Variants in STOX2 observed in about 807,000 individuals in gnomAD.
The protein encoded by STOX2 is storkhead-box protein 2.
A neutral mutation model predicts 60.9 loss-of-function variants in STOX2; 28 were observed. The observed-to-expected ratio is 0.46, with a 90% CI of 0.34 to 0.63. STOX2 has a LOEUF of 0.63. Among genes scored for constraint, STOX2 ranks in the 30% least tolerant of loss-of-function variants. The pLI is 0.01. For missense variants in STOX2, 1,024 were observed against 1,187.7 expected (o/e 0.86, Z 2.03); for synonymous variants, 472 against 463.9 (o/e 1.02, Z -0.22).
chr4:183,907,008 C>T (rs1206591025), intron 1 of STOX2, 52 bp downstream of exon 1: 206 of 1,426,508 alleles, frequency 1.4e-4, no homozygotes, highest in South Asian at 1.4e-5. Context: ...GGGACGTGCT[C>T]GGTACGCCGC....
intron 1 of STOX2, among the ~76,000 whole-genome samples, chr4:183,956,439 CATCTATCTATCTATCT>C (rs35378121): frequency 1.0e-3 from 150 of 145,996 alleles, no homozygotes; most frequent in Middle Eastern, 7.0e-3. Flanking sequence ...TTCTATCATT[CATCTATCTATCTATCT>C]ATCTATCTAT....
At chr4:184,008,945 C>G (rs2111243854) in intron 2 of STOX2, among the ~76,000 whole-genome samples, 1 of 152,258 alleles carries the variant, frequency 6.6e-6, no homozygotes, top group Non-Finnish European at 1.5e-5. Context: ...GTCTTCCCAG[C>G]TTTTATATCT....
chr4:183,983,591 G>C (rs115628713), intron 1 of STOX2, among the ~76,000 whole-genome samples: 1 of 152,150 alleles, frequency 6.6e-6, no homozygotes, highest in African/African-American at 2.4e-5. Flanking sequence ...GGGAAGCCGC[G>C]TCTGACCATA....
At chr4:183,852,682 C>G (rs1478368690) in intron 1 of STOX2, among the ~76,000 whole-genome samples, 2 of 152,140 alleles carry the variant, frequency 1.3e-5, no homozygotes, top group Non-Finnish European at 2.9e-5. Flanking sequence ...ATGGGAGGTT[C>G]TTTTTTTCTG....
At chr4:183,989,673 G>A (rs1160793488) in intron 1 of STOX2, among the ~76,000 whole-genome samples, 1 of 152,204 alleles carries the variant, frequency 6.6e-6, no homozygotes, top group Middle Eastern at 3.2e-3. Context: ...AAGGAAGTAA[G>A]CATATTTCAT....
At chr4:183,833,021 T>C (rs765827535) in intron 1 of STOX2, among the ~76,000 whole-genome samples, 1 of 152,224 alleles carries the variant, frequency 6.6e-6, no homozygotes, top group Non-Finnish European at 1.5e-5. Context: ...ATTAAGAATA[T>C]TTTGCTAATT....
intron 1 of STOX2, among the ~76,000 whole-genome samples, chr4:183,931,874 T>C (rs761017352): frequency 6.6e-6 from 1 of 152,096 alleles, no homozygotes; most frequent in Non-Finnish European, 1.5e-5. Flanking sequence ...TGAGAAACTG[T>C]AGAGAGTGTT....
intron 3 of STOX2, among the ~76,000 whole-genome samples, chr4:184,013,160 T>C (rs928850369): frequency 6.6e-6 from 1 of 152,226 alleles, no homozygotes; most frequent in African/African-American, 2.4e-5. Flanking sequence ...ACTAAAGAGA[T>C]AGTTGCTAAG....
At chr4:183,798,035 G>A (rs1473814938) in exon 1 of STOX2, 22 of 1,229,478 alleles carry the variant, frequency 1.8e-5, no homozygotes, top group East Asian at 6.3e-5. Context: ...CCGCCCTCGG[G>A]CTTCCACATC....
chr4:183,925,983 T>C (rs1241961540), intron 1 of STOX2, among the ~76,000 whole-genome samples: 1 of 152,184 alleles, frequency 6.6e-6, no homozygotes, highest in African/African-American at 2.4e-5. Context: ...AACCTGGCCC[T>C]ATCCCATCAT....
chr4:183,971,998 A>G (rs993474703), intron 1 of STOX2, among the ~76,000 whole-genome samples: 2 of 152,190 alleles, frequency 1.3e-5, no homozygotes, highest in Non-Finnish European at 2.9e-5. Context: ...TGTGGACAGA[A>G]AGATCTTCAA....
intron 1 of STOX2, among the ~76,000 whole-genome samples, chr4:184,000,296 G>A (rs956067888): frequency 1.3e-5 from 2 of 152,144 alleles, no homozygotes; most frequent in Non-Finnish European, 2.9e-5. Context: ...ACAGATATTT[G>A]CATTGTAGGT....
At chr4:183,951,437 T>A (rs1327214421) in intron 1 of STOX2, among the ~76,000 whole-genome samples, 4 of 134,034 alleles carry the variant, frequency 3.0e-5, no homozygotes, top group Non-Finnish European at 6.2e-5. Context: ...CGACAGTCTC[T>A]CTCTCTCTTT....
In STOX2 at chr4:184,011,483, C is replaced by T. The variant is rs1028534666; in HGVS notation, c.2585+60C>T. On this transcript the variant is annotated intron_variant, in intron 3 of 3. Coordinates refer to ENST00000308497, the MANE Select transcript of STOX2 (RefSeq NM_020225.3). This position sits in a 1 kb window ranked among gnomAD's most constrained non-coding sequence, Gnocchi z 4.4. ...CTAGCGGGGCCTGGGGCTTTATGCA[C>T]GTAACTTGACAAGTTTCTGATTTCG... The T allele has an allele frequency of 3.7e-5, 59 of 1,583,674 alleles. No individual in the cohort carries two copies. Among genetic ancestry groups the T allele is most frequent in the South Asian group, 1.2e-4 (10 of 86,388 alleles).
chr4:183,891,781 A>C (rs575469779), intron 1 of STOX2, among the ~76,000 whole-genome samples: 1 of 152,128 alleles, frequency 6.6e-6, no homozygotes, highest in Admixed American at 6.5e-5. Context: ...CATCATTTTT[A>C]AAAAAATCAA....
chr4:183,798,462 G>C (rs1387736061), intron 1 of STOX2, among the ~76,000 whole-genome samples: 1 of 151,956 alleles, frequency 6.6e-6, no homozygotes, highest in Non-Finnish European at 1.5e-5. Context: ...GGAGGATTCC[G>C]GGGCTCGGGT....
In STOX2 at chr4:184,007,015, C is replaced by CAAAAAA. The variant is rs61393267; in HGVS notation, c.320-2131_320-2126dup. On this transcript the variant is annotated intron_variant, in intron 2 of 3. Coordinates refer to ENST00000308497, the MANE Select transcript of STOX2 (RefSeq NM_020225.3). Reference sequence around the variant, plus strand: ...TGGGCGACAGAGCGAGACTCTGTCTCAAAAAAAAAAAAAAAAACAAAACAA... The same window carrying CAAAAAA: ...TGGGCGACAGAGCGAGACTCTGTCTCAAAAAAAAAAAAAAAAAAAAAAACAAAACAA... Among the ~76,000 whole-genome samples the CAAAAAA allele has an allele frequency of 1.6e-3, 86 of 52,746 alleles. 3 individuals are homozygous for CAAAAAA. The highest frequency in any genetic ancestry group is 6.3e-3 in the African/African-American group (84 of 13,272). 34.6% of individuals were successfully genotyped at this position (52,746 alleles called of 152,430 possible).
At chr4:183,811,375 C>T (rs1265386217) in intron 1 of STOX2, among the ~76,000 whole-genome samples, 4 of 152,282 alleles carry the variant, frequency 2.6e-5, no homozygotes, top group Non-Finnish European at 4.4e-5. Context: ...ACAGAACAAG[C>T]GGCTCCCTCA....
At chr4:183,912,752 G>A (rs1346231059) in intron 1 of STOX2, among the ~76,000 whole-genome samples, 1 of 152,186 alleles carries the variant, frequency 6.6e-6, no homozygotes, top group Non-Finnish European at 1.5e-5. Context: ...TATTTTGCCA[G>A]CAACCACAGA....
Sources: allele counts gnomAD v4.1 joint callset (sites outside exome capture counted in the v4.1 genomes callset), GRCh38; gene constraint gnomAD v4.1.1; non-coding constraint Gnocchi (gnomAD v3.1); transcripts MANE v1.5; gene names NCBI Gene and HGNC (gene_info 2026-07-23, HGNC 2026-07-21).